Variants in RSBN1L observed in about 807,000 individuals in gnomAD.
RSBN1L encodes the protein lysine-specific demethylase RSBN1L.
A neutral mutation model predicts 67.7 loss-of-function variants in RSBN1L; 30 were observed. The observed-to-expected ratio is 0.44, with a 90% CI of 0.33 to 0.60. The LOEUF (loss-of-function observed/expected upper bound fraction) is 0.60. RSBN1L is among the 20% of genes least tolerant of loss of function. The pLI is 0.02. For missense variants in RSBN1L, 992 were observed against 1,031.7 expected (o/e 0.96, Z 0.53); for synonymous variants, 433 against 387.0 (o/e 1.12, Z -1.39).
intron 1 of RSBN1L, among the ~76,000 whole-genome samples, chr7:77,730,479 T>C (rs1042277315): frequency 7.2e-5 from 11 of 152,166 alleles, no homozygotes; most frequent in Non-Finnish European, 2.9e-5. Context: ...TGGACAAACG[T>C]ATAATGACAT....
intron 2 of RSBN1L, among the ~76,000 whole-genome samples, chr7:77,740,133 A>G (rs1186303262): frequency 6.6e-6 from 1 of 152,136 alleles, no homozygotes; most frequent in Non-Finnish European, 1.5e-5. Context: ...AACCTTATAA[A>G]AGTTTATTTG....
intron 6 of RSBN1L, among the ~76,000 whole-genome samples, chr7:77,774,168 G>A (rs1791882272): frequency 6.6e-6 from 1 of 151,926 alleles, no homozygotes; most frequent in Admixed American, 6.6e-5. Flanking sequence ...TTGCTTACAA[G>A]TTTCACTTTG....
chr7:77,725,215 T>G (rs1378446582), intron 1 of RSBN1L, among the ~76,000 whole-genome samples: 3 of 146,638 alleles, frequency 2.0e-5, no homozygotes, highest in South Asian at 2.2e-4. Context: ...GAAGTTCTTT[T>G]TCTTTCTTCC....
rs753822212 is a variant in RSBN1L, at chr7:77,778,354, A to G, written c.1810A>G (p.Ile604Val). The G allele has an allele frequency of 1.9e-6, 3 of 1,610,702 alleles. No homozygotes were observed. The highest frequency in any genetic ancestry group is 2.2e-5 in the East Asian group (1 of 44,822). The change falls in exon 7 of 8, where the codon ATA becomes GTA. Residue 604 changes from isoleucine (I) to valine (V), a missense_variant. Physicochemically the swap from Ile to Val is conservative, Grantham distance 29. This residue lies in a region of RSBN1L where 31 missense variants were observed against 24.5 expected (regional missense o/e 1.26). Coordinates refer to ENST00000334955, the MANE Select transcript of RSBN1L (RefSeq NM_198467.3). ...HCGEWPDQPR[I>V]TKDVICFHAE... Reference sequence around the variant, plus strand: ...CTTTTTTAGGCCTGATCAACCCCGTATAACCAAAGATGTAATTTGTTTTCA... The same window carrying G: ...CTTTTTTAGGCCTGATCAACCCCGTGTAACCAAAGATGTAATTTGTTTTCA...
chr7:77,750,816 G>C (rs1436264297), intron 3 of RSBN1L, among the ~76,000 whole-genome samples: 2 of 152,054 alleles, frequency 1.3e-5, no homozygotes, highest in African/African-American at 4.8e-5. Flanking sequence ...TTTGGAAGGA[G>C]GGAAAAAGTA....
intron 3 of RSBN1L, among the ~76,000 whole-genome samples, chr7:77,756,864 T>TAATG (rs141088992): frequency 0.014 from 2,178 of 152,240 alleles, 56 homozygotes; most frequent in African/African-American, 0.049. Context: ...GTATATATAG[T>TAATG]AATGCTATAT....
At chr7:77,763,918 G>A (rs928822546) in intron 3 of RSBN1L, among the ~76,000 whole-genome samples, 1 of 152,176 alleles carries the variant, frequency 6.6e-6, no homozygotes, top group African/African-American at 2.4e-5. Context: ...TAGAAATCTG[G>A]TGAATTTATT....
rs535815310 is a variant in RSBN1L, at chr7:77,776,144, G to T, written c.1794-2194G>T. Among the ~76,000 whole-genome samples the T allele has an allele frequency of 7.9e-5, 12 of 152,220 alleles. No homozygotes were observed. In the South Asian group the frequency reaches 8.3e-4, roughly 11 times the overall value. On this transcript the variant is annotated intron_variant, in intron 6 of 7. Coordinates refer to ENST00000334955, the MANE Select transcript of RSBN1L (RefSeq NM_198467.3). ...AGTCAACTTTGTTGATAGTGAATGT[G>T]GTTCACTTTTTTTATATTCTCACTT...
intron 3 of RSBN1L, among the ~76,000 whole-genome samples, chr7:77,751,328 C>G (rs919881483): frequency 2.6e-5 from 4 of 151,928 alleles, no homozygotes; most frequent in African/African-American, 9.7e-5. Context: ...TTGGTAGAGA[C>G]AGGGTTTCGC....
At chr7:77,728,052 C>T (rs534238892) in intron 1 of RSBN1L, among the ~76,000 whole-genome samples, 1 of 152,210 alleles carries the variant, frequency 6.6e-6, no homozygotes, top group African/African-American at 2.4e-5. Context: ...TTTAAGAGCT[C>T]CATTCTTGTA....
intron 1 of RSBN1L, among the ~76,000 whole-genome samples, chr7:77,721,357 T>C (rs1225924445): frequency 6.6e-6 from 1 of 152,230 alleles, no homozygotes; most frequent in Non-Finnish European, 1.5e-5. Flanking sequence ...GCATCACTTA[T>C]ATGCAAAGCA....
intron 5 of RSBN1L, 58 bp from the exon 6 acceptor site, chr7:77,773,089 T>C: frequency 1.1e-6 from 1 of 886,966 alleles, no homozygotes; most frequent in African/African-American, 1.7e-5. Flanking sequence ...GATTATTGAA[T>C]GTTTGATAGC....
At chr7:77,731,205 G>GT (rs1013206583) in intron 1 of RSBN1L, among the ~76,000 whole-genome samples, 8 of 151,602 alleles carry the variant, frequency 5.3e-5, no homozygotes, top group South Asian at 2.1e-4. Context: ...GGTCTTTAGT[G>GT]TTTTTTTTGG....
chr7:77,708,138 G>A (rs985021325), intron 1 of RSBN1L, among the ~76,000 whole-genome samples: 11 of 152,128 alleles, frequency 7.2e-5, no homozygotes, highest in Admixed American at 3.3e-4. Flanking sequence ...ACTACCAAAT[G>A]AATGAACTGG....
intron 2 of RSBN1L, among the ~76,000 whole-genome samples, chr7:77,742,796 C>G (rs771207491): frequency 3.9e-5 from 6 of 152,146 alleles, no homozygotes; most frequent in African/African-American, 1.4e-4. Context: ...GCCGATTGCA[C>G]GATTGCACTG....
intron 2 of RSBN1L, among the ~76,000 whole-genome samples, chr7:77,744,541 A>G (rs979294076): frequency 4.0e-5 from 6 of 151,470 alleles, no homozygotes; most frequent in African/African-American, 1.5e-4. Flanking sequence ...CGGTGGTGCA[A>G]TTTCGGCTGG....
In RSBN1L at chr7:77,711,322, A is replaced by AT. The variant is rs200143722; in HGVS notation, c.586+14288dup. ...TATAAAAAAGATATTTTGCATATTA[A>AT]TTTTTTTTTTTTTTTTTTTTTACCA... On this transcript the variant is annotated intron_variant, in intron 1 of 7. Transcript: ENST00000334955. Among the ~76,000 whole-genome samples the AT allele has an allele frequency of 1.0e-2, 1,384 of 138,638 alleles. 12 individuals carry two copies. The highest frequency in any genetic ancestry group is 0.039 in the East Asian group (189 of 4,790). The allele number at this position is 138,638 out of a possible 152,430, so 91.0% of individuals were successfully genotyped here.
At chr7:77,740,957 T>C (rs1231890304) in intron 2 of RSBN1L, among the ~76,000 whole-genome samples, 2 of 150,722 alleles carry the variant, frequency 1.3e-5, no homozygotes, top group Non-Finnish European at 3.0e-5. Context: ...TTGGGGAGGG[T>C]CTCCCATCAA....
intron 2 of RSBN1L, among the ~76,000 whole-genome samples, chr7:77,744,934 C>A (rs756542186): frequency 2.6e-5 from 4 of 152,030 alleles, no homozygotes; most frequent in Non-Finnish European, 5.9e-5. Context: ...TTGTTGTTTT[C>A]AGGGCTAGAA....
Sources: allele counts gnomAD v4.1 joint callset (sites outside exome capture counted in the v4.1 genomes callset), GRCh38; gene constraint gnomAD v4.1.1; regional missense constraint gnomAD v4.1.1; transcripts MANE v1.5; gene names NCBI Gene and HGNC (gene_info 2026-07-23, HGNC 2026-07-21).